PDE3B: variants seen among roughly 807,000 people sequenced by gnomAD.
The protein encoded by PDE3B is phosphodiesterase 3B.
PDE3B carries 66 observed loss-of-function variants against 116.8 expected under a neutral mutation model. That is an observed-to-expected ratio of 0.56 (90% CI 0.46 to 0.69). The LOEUF is 0.69. Ranked by LOEUF, PDE3B falls within the 30% of genes least tolerant of loss-of-function variation. The pLI, the probability that PDE3B is intolerant of heterozygous loss-of-function variation, is 0.00. For missense variants in PDE3B, 1,384 were observed against 1,368.1 expected, an observed-to-expected ratio of 1.01 and a Z score of -0.18; for synonymous variants, 595 against 533.6, an observed-to-expected ratio of 1.12 and a Z score of -1.59.
chr11:14,676,170 G>C (rs1431200683), intron 1 of PDE3B, among the ~76,000 whole-genome samples: 1 of 151,968 alleles, frequency 6.6e-6, no homozygotes, highest in African/African-American at 2.4e-5. Context: ...TTTTAAAATT[G>C]GATTGTTCAT....
At chr11:14,772,405 T>C (rs1857670901) in intron 2 of PDE3B, 1 of 152,314 alleles carries the variant, frequency 6.6e-6, no homozygotes, top group African/African-American at 2.4e-5. Context: ...AGTAAAGATA[T>C]CCAACTTTCA....
chr11:14,834,886 C>T, intron 10 of PDE3B, 96 bp from the exon 11 acceptor site: 1 of 548,228 alleles, frequency 1.8e-6, no homozygotes, highest in Non-Finnish European at 3.3e-6. Flanking sequence ...TAGTCTGTCA[C>T]ATCTTTTTTA....
downstream of PDE3B, among the ~76,000 whole-genome samples, chr11:14,873,149 CTG>C (rs1848159909): frequency 6.6e-6 from 1 of 152,182 alleles, no homozygotes; most frequent in South Asian, 2.1e-4. Context: ...CTGCTTTAAA[CTG>C]TACAAAGAAG....
intron 1 of PDE3B, among the ~76,000 whole-genome samples, chr11:14,646,903 C>G (rs1314130053): frequency 6.6e-6 from 1 of 152,030 alleles, no homozygotes; most frequent in Non-Finnish European, 1.5e-5. Flanking sequence ...CATTCTACTT[C>G]TAATAGGAAC....
At chr11:14,667,298 T>G (rs1198167698) in intron 1 of PDE3B, among the ~76,000 whole-genome samples, 216 of 113,214 alleles carry the variant, frequency 1.9e-3, no homozygotes, top group Middle Eastern at 0.01. Context: ...GTGGGGGGAG[T>G]GGGGAGGGAT....
chr11:14,783,764 TAAAA>T (rs533942180), intron 2 of PDE3B, among the ~76,000 whole-genome samples: 4 of 148,270 alleles, frequency 2.7e-5, no homozygotes, highest in South Asian at 4.3e-4. Context: ...AATATAATAA[TAAAA>T]AAAAAGAATG....
intron 7 of PDE3B, among the ~76,000 whole-genome samples, chr11:14,826,433 G>A (rs1177168659): frequency 6.6e-6 from 1 of 152,094 alleles, no homozygotes; most frequent in East Asian, 1.9e-4. Context: ...AAATGACAAA[G>A]GGGGTGGTAC....
At chr11:14,654,707 A>G (rs545767261) in intron 1 of PDE3B, among the ~76,000 whole-genome samples, 8 of 152,066 alleles carry the variant, frequency 5.3e-5, no homozygotes, top group Non-Finnish European at 1.2e-4. Flanking sequence ...AAATTAGAAG[A>G]GTATGTTAAA....
chr11:14,757,553 GTGA>G (rs1471032366), intron 1 of PDE3B, among the ~76,000 whole-genome samples: 2 of 141,772 alleles, frequency 1.4e-5, no homozygotes, highest in South Asian at 2.4e-4. Flanking sequence ...CTGATGGCCA[GTGA>G]TGATGAGCAT....
intron 1 of PDE3B, among the ~76,000 whole-genome samples, chr11:14,708,270 C>T (rs1286687071): frequency 1.3e-5 from 2 of 152,012 alleles, no homozygotes; most frequent in Non-Finnish European, 2.9e-5. Flanking sequence ...TTCCCTTCAC[C>T]TTACCCCATG....
intron 1 of PDE3B, among the ~76,000 whole-genome samples, chr11:14,770,211 G>A (rs1457054720): frequency 2.0e-5 from 3 of 151,196 alleles, no homozygotes; most frequent in East Asian, 1.9e-4. Flanking sequence ...GTGATATATC[G>A]TATGGCTCTG....
intron 1 of PDE3B, among the ~76,000 whole-genome samples, chr11:14,704,621 G>T (rs1214591537): frequency 1.1e-4 from 16 of 151,648 alleles, no homozygotes; most frequent in Admixed American, 1.1e-3. Flanking sequence ...GTTGGTTTTT[G>T]GCAAAGGTGG....
chr11:14,815,823 G>A (rs1439447386), intron 5 of PDE3B, among the ~76,000 whole-genome samples: 1 of 151,918 alleles, frequency 6.6e-6, no homozygotes, highest in Non-Finnish European at 1.5e-5. Flanking sequence ...TATACAAATA[G>A]CATATAAACA....
rs536842984 is a variant in PDE3B at position 14,694,358 on chromosome 11, G to A, written c.978+49305G>A. Reference sequence around the variant, plus strand: ...TGGATGCTCCAGAGAAGTTCTTCCCGAAAGGAAGAGTCAATTGATGTGGCA... The same window carrying A: ...TGGATGCTCCAGAGAAGTTCTTCCCAAAAGGAAGAGTCAATTGATGTGGCA... On this transcript the variant is annotated intron_variant, in intron 1 of 15. Transcript: ENST00000282096. 3.1e-3 allele frequency among the ~76,000 whole-genome samples: 465 copies of A among 152,202 alleles called. 2 individuals carry two copies. Among genetic ancestry groups the A allele is most frequent in the Middle Eastern group, 0.017 (5 of 294 alleles).
chr11:14,725,633 C>G (rs1856282837), intron 1 of PDE3B, among the ~76,000 whole-genome samples: 1 of 132,140 alleles, frequency 7.6e-6, no homozygotes, highest in Admixed American at 8.1e-5. Flanking sequence ...CCTTTCCTTT[C>G]CTTTTTCTCT....
At chr11:14,708,782 A>G (rs779782778) in intron 1 of PDE3B, among the ~76,000 whole-genome samples, 57 of 152,040 alleles carry the variant, frequency 3.7e-4, no homozygotes, top group Non-Finnish European at 7.4e-4. Flanking sequence ...TTATATATAT[A>G]TATAGAGAGA....
the PDE3B span, among the ~76,000 whole-genome samples, chr11:14,885,298 A>G: frequency 1.3e-5 from 2 of 152,172 alleles, no homozygotes; most frequent in African/African-American, 4.8e-5. Context: ...ACACTGATCA[A>G]TACTAAACCA....
At chr11:14,776,664 A>T (rs1157903968) in intron 2 of PDE3B, 1 of 144,332 alleles carries the variant, frequency 6.9e-6, no homozygotes, top group South Asian at 2.1e-4. Context: ...TAGTAATAAT[A>T]AAAAAAAAAG....
At chr11:14,733,326 T>A (rs1856511701) in intron 1 of PDE3B, among the ~76,000 whole-genome samples, 1 of 152,214 alleles carries the variant, frequency 6.6e-6, no homozygotes, top group African/African-American at 2.4e-5. Flanking sequence ...ATTCTTATTT[T>A]AATTTTTTAT....
Sources: gnomAD v4.1 joint callset for allele counts (sites outside exome capture counted in the v4.1 genomes callset) on GRCh38, gnomAD v4.1.1 for gene constraint, MANE v1.5 for transcripts, NCBI Gene and HGNC (gene_info 2026-07-23, HGNC 2026-07-21) for gene names.